Variants in ZNF16 observed in about 807,000 individuals in gnomAD.
ZNF16 encodes zinc finger protein KOX9.
A neutral mutation model predicts 9.0 loss-of-function variants in ZNF16; 7 were observed. The ratio of observed to expected loss-of-function variants is 0.78; its 90% confidence interval spans 0.44 to 1.47. The LOEUF (loss-of-function observed/expected upper bound fraction) is 1.47, where lower values mean the gene tolerates loss of function less well. Among genes scored for constraint, ZNF16 ranks in the 40% most tolerant of loss-of-function variants. The pLI is 0.01. For missense variants in ZNF16, 830 were observed against 854.2 expected (o/e 0.97, Z 0.35); for synonymous variants, 312 against 301.5 (o/e 1.03, Z -0.36).
chr8:144,932,652 C>A lies in ZNF16; in HGVS notation c.197-62G>T. ...GCTGCAGCAGGAGCAGGAACATAGA[C>A]AGTCACAGTTGCACCCACTAACTGT... is the stretch of plus-strand genomic sequence containing the variant. On this transcript the variant is annotated intron_variant, in intron 2 of 2. Coordinates refer to ENST00000394909, the MANE Select transcript of ZNF16 (RefSeq NM_006958.3). This position sits in a 1 kb window ranked among gnomAD's most constrained non-coding sequence, Gnocchi z 5.0. 1 of 1,550,728 alleles carries A rather than the reference C, an allele frequency of 6.4e-7. No individual in the cohort carries two copies. Among genetic ancestry groups the A allele is most frequent in the East Asian group, 2.2e-5 (1 of 44,648 alleles).
intron 2 of ZNF16, 136 bp downstream of exon 2, chr8:144,945,875 T>C (rs956094787): frequency 6.9e-7 from 1 of 1,450,236 alleles, no homozygotes; most frequent in Non-Finnish European, 9.1e-7. Flanking sequence ...CATCCAGCCT[T>C]GGCTCCTTGA....
intron 2 of ZNF16, among the ~76,000 whole-genome samples, chr8:144,935,266 C>T (rs1309864844): frequency 6.6e-6 from 1 of 152,070 alleles, no homozygotes; most frequent in East Asian, 1.9e-4. Flanking sequence ...GCAACGGTGC[C>T]ATCTCAGCTC....
At chr8:144,945,849 T>G in intron 2 of ZNF16, 162 bp downstream of exon 2, 1 of 1,372,000 alleles carries the variant, frequency 7.3e-7, no homozygotes, top group Non-Finnish European at 9.5e-7. Flanking sequence ...CCAGGCTAGG[T>G]TAACTTCCTT....
intron 2 of ZNF16, among the ~76,000 whole-genome samples, chr8:144,938,309 G>T (rs556020808): frequency 1.6e-4 from 25 of 152,344 alleles, no homozygotes; most frequent in Admixed American, 1.4e-3. Context: ...AATGGCCATT[G>T]TAATTTTGAT....
intron 2 of ZNF16, among the ~76,000 whole-genome samples, chr8:144,943,783 G>A (rs1833859585): frequency 6.6e-6 from 1 of 152,136 alleles, no homozygotes; most frequent in African/African-American, 2.4e-5. Flanking sequence ...GCCTCCCAAA[G>A]TGCTGGGATG....
intron 1 of ZNF16, 57 bp from the exon 2 acceptor site, chr8:144,946,272 T>A (rs1056231953): frequency 7.9e-6 from 11 of 1,399,012 alleles, no homozygotes; most frequent in African/African-American, 2.9e-5. Flanking sequence ...TAGGGATTCA[T>A]CCTCCCATCA....
chr8:144,946,532 TGGGGCCTGTGTACTGCTGTG>T (rs1295691617), intron 1 of ZNF16, among the ~76,000 whole-genome samples: 4 of 124,068 alleles, frequency 3.2e-5, no homozygotes, highest in African/African-American at 9.5e-5. Flanking sequence ...TGTCCTGCTG[TGGGGCCTGTGTACTGCTGTG>T]GGGCCTGTAC....
intron 2 of ZNF16, among the ~76,000 whole-genome samples, chr8:144,937,372 G>A (rs575873773): frequency 2.6e-5 from 4 of 152,166 alleles, no homozygotes; most frequent in South Asian, 2.1e-4. Flanking sequence ...CTGACATCAG[G>A]TGATCTGCCT....
At chr8:144,937,219 T>C (rs959009449) in intron 2 of ZNF16, among the ~76,000 whole-genome samples, 5 of 146,472 alleles carry the variant, frequency 3.4e-5, no homozygotes, top group African/African-American at 1.0e-4. Context: ...CGATCTTGGC[T>C]CACTGCAACC....
intron 2 of ZNF16, among the ~76,000 whole-genome samples, chr8:144,941,748 T>TC (rs1833800169): frequency 6.6e-6 from 1 of 151,388 alleles, no homozygotes; most frequent in South Asian, 2.1e-4. Flanking sequence ...AACCTCTGCC[T>TC]CCCAGGTTCA....
chr8:144,950,074 G>C lies in ZNF16; in HGVS notation c.-10+723C>G, dbSNP rs371832242. On this transcript the variant is annotated intron_variant, in intron 1 of 2. Coordinates refer to ENST00000394909, the MANE Select transcript of ZNF16 (RefSeq NM_006958.3). Reference sequence around the variant, plus strand: ...GACATGTTGGCAGCAATGCTGCCTTGTTATTCTTTACTCCACTGAGATGTT... The same window carrying C: ...GACATGTTGGCAGCAATGCTGCCTTCTTATTCTTTACTCCACTGAGATGTT... Among the ~76,000 whole-genome samples, 35 of 152,336 alleles carry C rather than the reference G, an allele frequency of 2.3e-4. No homozygotes were observed. In the South Asian group the frequency reaches 5.2e-3, roughly 23 times the overall value.
At position 144,931,605 on chromosome 8, in the gene ZNF16, C is replaced by T; in HGVS notation, c.1182G>A (p.Lys394=). 1.2e-6 allele frequency: 2 copies of T among 1,614,130 alleles called. No individual in the cohort carries two copies. Among genetic ancestry groups the T allele is most frequent in the East Asian group, 2.2e-5 (1 of 44,876 alleles). The stretch of plus-strand genomic sequence containing the variant: ...TCTCTCCAGTGTGGACCCTCTGGTG[C>T]TTCCTCAGGTGTGCACTCTGGCTGA... ...KAFSQSAHLR[K]HQRVHTGEKP... is the part of the protein sequence containing the mutation. Residue 394 remains lysine, a synonymous_variant, in exon 3 of 3, where the codon AAG becomes AAA. Transcript: ENST00000394909.
intron 1 of ZNF16, among the ~76,000 whole-genome samples, chr8:144,947,761 C>T (rs1305795121): frequency 1.3e-5 from 2 of 152,136 alleles, no homozygotes; most frequent in African/African-American, 2.4e-5. Context: ...GCATCAACAC[C>T]CTTGTTAAGA....
intron 2 of ZNF16, among the ~76,000 whole-genome samples, chr8:144,937,135 TTCTCTC>T (rs1554659148): frequency 2.3e-5 from 3 of 127,778 alleles, no homozygotes; most frequent in Admixed American, 7.7e-5. Flanking sequence ...TTCACTTTCT[TTCTCTC>T]TCTTTTTTTT....
At chr8:144,942,273 T>C (rs1308900838) in intron 2 of ZNF16, among the ~76,000 whole-genome samples, 3 of 149,088 alleles carry the variant, frequency 2.0e-5, no homozygotes, top group African/African-American at 5.0e-5. Flanking sequence ...CCACCATGCC[T>C]GGCCCATTTT....
chr8:144,932,479 A>G lies in ZNF16; in HGVS notation c.308T>C (p.Val103Ala). Residue 103 changes from valine (V) to alanine (A), a missense_variant, in exon 3 of 3, where the codon GTA becomes GCA. Transcript: ENST00000394909. The surrounding 1 kb of genome is among the most constrained non-coding windows in gnomAD (Gnocchi z 5.0). ...ATCACACAGATCTCCAAGCTCGGGT[A>G]CCTGGGAAACATCACCAGCATAGTT... ...SENYAGDVSQVPELGDLCDDV... is the reference protein window; with the variant it reads ...SENYAGDVSQAPELGDLCDDV... 1 of 1,614,226 alleles carries G rather than the reference A, an allele frequency of 6.2e-7. No homozygotes were observed. The highest frequency in any genetic ancestry group is 1.3e-5 in the African/African-American group (1 of 75,064).
rs537621328 is a variant in ZNF16, at chr8:144,933,094, C to T, written c.197-504G>A. Among the ~76,000 whole-genome samples the T allele has an allele frequency of 6.6e-5, 10 of 152,204 alleles. No individual in the cohort carries two copies. The highest frequency in any genetic ancestry group is 9.7e-5 in the African/African-American group (4 of 41,440). On this transcript the variant is annotated intron_variant, in intron 2 of 2. Coordinates refer to ENST00000394909, the MANE Select transcript of ZNF16 (RefSeq NM_006958.3). This position sits in a 1 kb window ranked among gnomAD's most constrained non-coding sequence, Gnocchi z 5.6. ...AGGTGTGAGCCTTACCAGCCTATCT[C>T]CAGTTCTGTCAGTGCATGCTAATGG... is the stretch of plus-strand genomic sequence containing the variant.
chr8:144,946,540 G>A (rs1431130259), intron 1 of ZNF16, among the ~76,000 whole-genome samples: 1 of 125,494 alleles, frequency 8.0e-6, no homozygotes, highest in Non-Finnish European at 1.7e-5. Flanking sequence ...TGTGGGGCCT[G>A]TGTACTGCTG....
intron 2 of ZNF16, among the ~76,000 whole-genome samples, chr8:144,937,332 C>T (rs771838382): frequency 2.1e-4 from 32 of 151,750 alleles, no homozygotes; most frequent in Non-Finnish European, 3.7e-4. Context: ...GATGGGGTTT[C>T]GCCATATTGG....
Sources: allele counts gnomAD v4.1 joint callset (sites outside exome capture counted in the v4.1 genomes callset), GRCh38; gene constraint gnomAD v4.1.1; non-coding constraint Gnocchi (gnomAD v3.1); transcripts MANE v1.5; gene names NCBI Gene and HGNC (gene_info 2026-07-23, HGNC 2026-07-21).